The following DNAJC2 variants were observed in gnomAD, a reference collection of about 807,000 sequenced individuals.
DNAJC2 encodes the protein DnaJ heat shock protein family (Hsp40) member C2.
In DNAJC2, 32 loss-of-function variants were observed where a neutral mutation model predicts 94.0. The ratio of observed to expected loss-of-function variants is 0.34; its 90% CI spans 0.26 to 0.46. The LOEUF (loss-of-function observed/expected upper bound fraction) is 0.46, where lower values mean the gene tolerates loss of function less well. DNAJC2 is among the 20% of genes least tolerant of loss of function. The probability of loss-of-function intolerance (pLI) is 1.00; values close to 1 mark genes in which losing one functional copy is unlikely to be tolerated. For missense variants in DNAJC2, 550 were observed against 719.5 expected (o/e 0.76, Z 2.69); for synonymous variants, 210 against 229.7 (o/e 0.91, Z 0.77).
rs1818479537 is a variant in DNAJC2, at chr7:103,322,577, G to A, written c.867C>T (p.Ala289=). ...TTGCTTTCTTTTCTGCTTCTTTCTT[G>A]GCTTTTTCTTCTTCCTTGAACTTTT... ...RIKKFKEEEK[A]KKEAEKKAKA... The change falls in exon 9 of 17, where the codon GCC becomes GCT. Residue 289 remains alanine, a synonymous_variant. Transcript: ENST00000379263. 6.2e-7 allele frequency: 1 copy of A among 1,602,624 alleles called. No individual in the cohort carries two copies. The highest frequency in any genetic ancestry group is 8.5e-7 in the Non-Finnish European group (1 of 1,171,350).
At chr7:103,339,566 A>G (rs892127343) in intron 2 of DNAJC2, among the ~76,000 whole-genome samples, 3 of 151,656 alleles carry the variant, frequency 2.0e-5, no homozygotes, top group Non-Finnish European at 2.9e-5. Context: ...ACTGCTTTCA[A>G]TGAGGACACC....
rs184300996 is a variant in DNAJC2 at position 103,312,634 on chromosome 7, C to G, written c.1801G>C (p.Glu601Gln). ...GCAGCTTTCTTTGCTTTTACCATCT[C>G]GACAAGTTCCTAGGAAGGGAGAAAG... is the stretch of plus-strand genomic sequence containing the variant. The part of the protein sequence containing the change: ...DCMKRYKELV[E>Q]MVKAKKAAQE... Residue 601 changes from glutamate to glutamine, a missense_variant, in exon 17 of 17, where the codon GAG becomes CAG. Coordinates refer to ENST00000379263, the MANE Select transcript of DNAJC2 (RefSeq NM_014377.3). The G allele has an allele frequency of 1.0e-4, 165 of 1,613,112 alleles. 1 individual carries two copies. The Admixed American group carries it at 2.7e-3, about 27-fold the overall frequency.
chr7:103,321,296 A>C (rs1230915668), intron 10 of DNAJC2, among the ~76,000 whole-genome samples: 1 of 151,546 alleles, frequency 6.6e-6, no homozygotes, highest in Admixed American at 6.6e-5. Context: ...AGATGGGTGG[A>C]TCATGAGGTC....
chr7:103,336,484 C>A (rs1011998660), intron 3 of DNAJC2: 1 of 152,282 alleles, frequency 6.6e-6, no homozygotes, highest in Non-Finnish European at 1.5e-5. Context: ...GCTGGGAATA[C>A]AGGTGCCCAC....
intron 1 of DNAJC2, 75 bp downstream of exon 1, chr7:103,344,484 C>T (rs1322697902): frequency 6.4e-7 from 1 of 1,553,308 alleles, no homozygotes; most frequent in African/African-American, 1.4e-5. Flanking sequence ...TAGAGAGAGC[C>T]CAGGGTTGCC....
At chr7:103,319,728 G>C in intron 11 of DNAJC2, 28 bp downstream of exon 11, 1 of 1,613,948 alleles carries the variant, frequency 6.2e-7, no homozygotes. Context: ...CTCAAGTGAA[G>C]ACTTCAATAG....
At chr7:103,322,822 A>G in intron 7 of DNAJC2, 28 bp from the exon 8 acceptor site, 2 of 1,534,484 alleles carry the variant, frequency 1.3e-6, no homozygotes, top group Non-Finnish European at 1.8e-6. Flanking sequence ...TTGGAAACAA[A>G]CTACTGCTTA....
chr7:103,312,776 G>A (rs1817822089), intron 16 of DNAJC2, 133 bp from the exon 17 acceptor site: 3 of 1,510,644 alleles, frequency 2.0e-6, no homozygotes, highest in Admixed American at 4.7e-5. Flanking sequence ...ATCTGCCAGG[G>A]CCTAGAAAGT....
At chr7:103,318,870 T>A (rs1015482441) in intron 12 of DNAJC2, among the ~76,000 whole-genome samples, 1 of 152,124 alleles carries the variant, frequency 6.6e-6, no homozygotes, top group African/African-American at 2.4e-5. Context: ...CTAAGTATGG[T>A]AAAAACCATA....
chr7:103,342,079 G>C (rs143477217), intron 1 of DNAJC2, 125 bp from the exon 2 acceptor site: 5 of 627,318 alleles, frequency 8.0e-6, no homozygotes, highest in Non-Finnish European at 1.2e-5. Flanking sequence ...TAAAACCACC[G>C]ACTACGAAAA....
chr7:103,312,827 T>A, intron 16 of DNAJC2, 120 bp downstream of exon 16: 1 of 1,522,416 alleles, frequency 6.6e-7, no homozygotes, highest in African/African-American at 1.4e-5. Flanking sequence ...ATTGACCCCA[T>A]AACTACTGGT....
intron 1 of DNAJC2, among the ~76,000 whole-genome samples, chr7:103,343,550 A>G (rs570753087): frequency 1.3e-5 from 2 of 152,280 alleles, no homozygotes; most frequent in Middle Eastern, 3.4e-3. Flanking sequence ...AACAATACCT[A>G]TTTATCTCAT....
At chr7:103,329,693 T>A (rs1329896441) in intron 3 of DNAJC2, among the ~76,000 whole-genome samples, 1 of 152,230 alleles carries the variant, frequency 6.6e-6, no homozygotes, top group Non-Finnish European at 1.5e-5. Flanking sequence ...ACTATAATAG[T>A]AAATTTTACA....
intron 2 of DNAJC2, 59 bp from the exon 3 acceptor site, chr7:103,337,870 T>C (rs1362705287): frequency 2.4e-6 from 3 of 1,254,860 alleles, no homozygotes; most frequent in South Asian, 2.5e-5. Flanking sequence ...ATTCCATCCC[T>C]TGTGTTCTGG....
chr7:103,318,583 A>G (rs1818203280), intron 12 of DNAJC2, among the ~76,000 whole-genome samples: 1 of 152,138 alleles, frequency 6.6e-6, no homozygotes. Context: ...TCTTCTCAGC[A>G]TGTCCTTTGT....
Position 103,337,340 on chromosome 7 carries a change from AG to A in DNAJC2, c.331+395del, listed in dbSNP as rs1819211999. On this transcript the variant is annotated intron_variant, in intron 3 of 16. Coordinates refer to ENST00000379263, the MANE Select transcript of DNAJC2 (RefSeq NM_014377.3). ...ACAGAAGACAGGGTGATATCTACAA[AG>A]GTGTGACCTAAGATTACAAAATAAC... 3 of 157,716 alleles carry A rather than the reference AG, an allele frequency of 1.9e-5. No homozygotes were observed. In the Admixed American group the frequency reaches 1.9e-4, roughly 10 times the overall value. The allele number at this position is 157,716 out of a possible 1,614,324, so 9.8% of individuals were successfully genotyped here.
intron 12 of DNAJC2, 99 bp downstream of exon 12, chr7:103,319,510 A>G (rs754278006): frequency 2.7e-6 from 3 of 1,100,814 alleles, no homozygotes; most frequent in Non-Finnish European, 4.1e-6. Context: ...GAGAAATCAG[A>G]TACTCCCTGC....
In DNAJC2 at chr7:103,312,648, G is replaced by A. The variant is rs368642575; in HGVS notation, c.1792-5C>T. 3.7e-6 allele frequency: 6 copies of A among 1,612,536 alleles called. No individual in the cohort carries two copies. The African/African-American group carries it at 5.3e-5, about 14-fold the overall frequency. On this transcript the variant is annotated splice_polypyrimidine_tract_variant and splice_region_variant and intron_variant, in intron 16 of 16. Coordinates refer to ENST00000379263, the MANE Select transcript of DNAJC2 (RefSeq NM_014377.3). ...TTTTACCATCTCGACAAGTTCCTAG[G>A]AAGGGAGAAAGGTGTGATTTAAGAA...
At chr7:103,320,334 C>T (rs1429385655) in intron 10 of DNAJC2, among the ~76,000 whole-genome samples, 3 of 151,946 alleles carry the variant, frequency 2.0e-5, no homozygotes, top group Admixed American at 1.3e-4. Context: ...GTGATCCACC[C>T]GCCTCAGCCT....
Sources: gnomAD v4.1 joint callset for allele counts (sites outside exome capture counted in the v4.1 genomes callset) on GRCh38, gnomAD v4.1.1 for gene constraint, MANE v1.5 for transcripts, NCBI Gene and HGNC (gene_info 2026-07-23, HGNC 2026-07-21) for gene names.